The following FBXL7 variants were observed in gnomAD, a reference collection of about 807,000 sequenced individuals.
FBXL7 encodes F-box and leucine rich repeat protein 7.
A neutral mutation model predicts 38.3 loss-of-function variants in FBXL7; 12 were observed. The ratio of observed to expected loss-of-function variants is 0.31; its 90% CI spans 0.20 to 0.51. The LOEUF (loss-of-function observed/expected upper bound fraction) is 0.51. Ranked by LOEUF, FBXL7 falls within the 20% of genes least tolerant of loss-of-function variation. The pLI is 0.98. For missense variants in FBXL7, 567 were observed against 676.4 expected (o/e 0.84, Z 1.79); for synonymous variants, 297 against 300.9 (o/e 0.99, Z 0.13).
chr5:15,530,276 A>C (rs531561228), intron 1 of FBXL7, among the ~76,000 whole-genome samples: 1 of 152,274 alleles, frequency 6.6e-6, no homozygotes, highest in South Asian at 2.1e-4. Context: ...GGTTTAAAAA[A>C]CTGTCAACCA....
At chr5:15,913,533 G>T (rs1214880601) in intron 2 of FBXL7, among the ~76,000 whole-genome samples, 1 of 151,930 alleles carries the variant, frequency 6.6e-6, no homozygotes, top group Non-Finnish European at 1.5e-5. Context: ...CTCCCTGTGG[G>T]GCTTGTTTTC....
At chr5:15,715,072 A>T (rs2126646365) in intron 2 of FBXL7, among the ~76,000 whole-genome samples, 1 of 152,064 alleles carries the variant, frequency 6.6e-6, no homozygotes, top group African/African-American at 2.4e-5. Context: ...AGGATGTCTG[A>T]CCTCCAGAAC....
At chr5:15,798,029 G>C (rs944089549) in intron 2 of FBXL7, among the ~76,000 whole-genome samples, 1 of 152,104 alleles carries the variant, frequency 6.6e-6, no homozygotes, top group African/African-American at 2.4e-5. Flanking sequence ...ACAGAAGAGA[G>C]GTAGCAAAGA....
intron 2 of FBXL7, among the ~76,000 whole-genome samples, chr5:15,860,983 A>G (rs750647355): frequency 7.9e-5 from 12 of 152,152 alleles, no homozygotes; most frequent in Non-Finnish European, 1.6e-4. Flanking sequence ...TCTGCACCAC[A>G]CTTTTTGCTA....
At chr5:15,806,374 C>T (rs1472320142) in intron 2 of FBXL7, among the ~76,000 whole-genome samples, 4 of 151,762 alleles carry the variant, frequency 2.6e-5, no homozygotes, top group African/African-American at 9.7e-5. Context: ...CTGCAATTAA[C>T]TTTGACAAGT....
intron 2 of FBXL7, among the ~76,000 whole-genome samples, chr5:15,641,941 TTGTGTGTGTGTGTGTG>T (rs199980981): frequency 0.03 from 4,300 of 141,612 alleles, 102 homozygotes; most frequent in East Asian, 0.053. Context: ...ACATAAAACC[TTGTGTGTGTGTGTGTG>T]TGTGTGTGTG....
rs562068113 is a variant in FBXL7 at position 15,527,202 on chromosome 5, G to A, written c.37+26489G>A. Reference sequence around the variant, plus strand: ...TAACTAAATGTAAAGTGAGATTCTTGTTAAGTAAGCATTCGTCAGTAATGT... The same window carrying A: ...TAACTAAATGTAAAGTGAGATTCTTATTAAGTAAGCATTCGTCAGTAATGT... On this transcript the variant is annotated intron_variant, in intron 1 of 3. Transcript: ENST00000504595. Among the ~76,000 whole-genome samples the A allele has an allele frequency of 2.0e-4, 30 of 152,272 alleles. No homozygotes were observed. In the South Asian group the frequency reaches 6.2e-3, roughly 32 times the overall value.
rs752334107 is a variant in FBXL7, at chr5:15,937,153, C to T, written c.1443C>T (p.Cys481=). The change falls in exon 4 of 4, where the codon TGC becomes TGT. Residue 481 remains cysteine (C), a synonymous_variant. Coordinates refer to ENST00000504595, the MANE Select transcript of FBXL7 (RefSeq NM_012304.5). The part of the protein sequence containing the change: ...LRFVKRHCKR[C]VIEHTNPAFF ...TTGTCAAACGCCACTGCAAGCGCTG[C>T]GTCATCGAGCACACCAACCCGGCTT... 1.9e-5 allele frequency: 30 copies of T among 1,601,278 alleles called. No homozygotes were observed. The highest frequency in any genetic ancestry group is 1.7e-4 in the Middle Eastern group (1 of 5,918).
intron 2 of FBXL7, among the ~76,000 whole-genome samples, chr5:15,877,994 C>T (rs756738141): frequency 3.9e-5 from 6 of 152,088 alleles, no homozygotes; most frequent in Admixed American, 2.0e-4. Context: ...CCTAAAGGGG[C>T]GAGGTGCTGG....
At chr5:15,881,109 G>A (rs899869989) in intron 2 of FBXL7, among the ~76,000 whole-genome samples, 1 of 152,032 alleles carries the variant, frequency 6.6e-6, no homozygotes, top group African/African-American at 2.4e-5. Flanking sequence ...CTTTAGTGGT[G>A]ATTTCTGAGA....
At chr5:15,769,074 G>A (rs913299065) in intron 2 of FBXL7, among the ~76,000 whole-genome samples, 1 of 152,206 alleles carries the variant, frequency 6.6e-6, no homozygotes, top group African/African-American at 2.4e-5. Context: ...GCAGGGCATA[G>A]AGGCACGGAG....
At chr5:15,798,190 T>C (rs943574863) in intron 2 of FBXL7, among the ~76,000 whole-genome samples, 8 of 152,194 alleles carry the variant, frequency 5.3e-5, no homozygotes, top group South Asian at 2.1e-4. Flanking sequence ...CTACACTTTC[T>C]ATTTGGAAAG....
At chr5:15,881,889 G>T (rs531147699) in intron 2 of FBXL7, among the ~76,000 whole-genome samples, 2 of 152,244 alleles carry the variant, frequency 1.3e-5, no homozygotes, top group South Asian at 4.1e-4. Context: ...AGGTCTAATT[G>T]GCTCATGGTT....
chr5:15,589,087 T>C (rs1010257444), intron 1 of FBXL7, among the ~76,000 whole-genome samples: 1 of 152,222 alleles, frequency 6.6e-6, no homozygotes, highest in Non-Finnish European at 1.5e-5. Context: ...AAGGTGGATA[T>C]ACAAGAGGAA....
intron 2 of FBXL7, among the ~76,000 whole-genome samples, chr5:15,686,237 T>C (rs1743012747): frequency 6.6e-6 from 1 of 152,192 alleles, no homozygotes; most frequent in African/African-American, 2.4e-5. Flanking sequence ...CCTGCACTTG[T>C]TTTGTAAATG....
chr5:15,766,043 T>TCTACCTACCTACCTACCTACCTACCTAC (rs140480289), intron 2 of FBXL7, among the ~76,000 whole-genome samples: 2 of 147,138 alleles, frequency 1.4e-5, no homozygotes, highest in Non-Finnish European at 3.0e-5. Context: ...TGTCTGTCTA[T>TCTACCTACCTACCTACCTACCTACCTAC]CTACCTACCT....
At chr5:15,893,521 C>G (rs983883173) in intron 2 of FBXL7, among the ~76,000 whole-genome samples, 20 of 152,074 alleles carry the variant, frequency 1.3e-4, no homozygotes, top group African/African-American at 4.3e-4. Flanking sequence ...AAGAAATGAC[C>G]ATAGTAAGCA....
intron 2 of FBXL7, among the ~76,000 whole-genome samples, chr5:15,839,791 T>G (rs1738694507): frequency 6.6e-6 from 1 of 152,106 alleles, no homozygotes; most frequent in South Asian, 2.1e-4. Flanking sequence ...CTCCTACCTC[T>G]CCTCCCTGTC....
intron 1 of FBXL7, among the ~76,000 whole-genome samples, chr5:15,528,171 G>C (rs959058327): frequency 7.9e-5 from 12 of 152,234 alleles, no homozygotes; most frequent in Non-Finnish European, 1.3e-4. Context: ...CATTGGATAG[G>C]AAGAGTATCG....
Sources: gnomAD v4.1 joint callset for allele counts (sites outside exome capture counted in the v4.1 genomes callset) on GRCh38, gnomAD v4.1.1 for gene constraint, MANE v1.5 for transcripts, NCBI Gene and HGNC (gene_info 2026-07-23, HGNC 2026-07-21) for gene names.